Variants in GRIP1 observed in about 807,000 individuals in gnomAD.
GRIP1 encodes the protein glutamate receptor-interacting protein 1.
A neutral mutation model predicts 129.9 loss-of-function variants in GRIP1; 45 were observed. The observed-to-expected ratio is 0.35, with a 90% confidence interval of 0.27 to 0.44. GRIP1 has a LOEUF of 0.44. Among genes scored for constraint, GRIP1 ranks in the 20% least tolerant of loss-of-function variants. GRIP1 has a pLI of 1.00. For missense variants in GRIP1, 1,196 were observed against 1,396.8 expected (o/e 0.86, Z 2.29); for synonymous variants, 530 against 520.8 (o/e 1.02, Z -0.24).
chr12:66,583,335 A>C (rs1486699822), intron 2 of GRIP1, among the ~76,000 whole-genome samples: 16 of 150,338 alleles, frequency 1.1e-4, no homozygotes, highest in African/African-American at 3.7e-4. Context: ...ACCATTCAGG[A>C]CATAGGCATG....
At chr12:66,531,624 C>G (rs910806025) in intron 4 of GRIP1, among the ~76,000 whole-genome samples, 2 of 151,996 alleles carry the variant, frequency 1.3e-5, no homozygotes, top group Admixed American at 1.3e-4. Context: ...ATGTCATATT[C>G]TTGCTATCAG....
intron 1 of GRIP1, among the ~76,000 whole-genome samples, chr12:67,015,595 A>C (rs544970089): frequency 1.3e-5 from 2 of 152,154 alleles, no homozygotes; most frequent in Non-Finnish European, 2.9e-5. Context: ...AAATGGAGAG[A>C]GTGAGGAGGG....
At chr12:66,846,074 A>G (rs889445917) in intron 1 of GRIP1, among the ~76,000 whole-genome samples, 1 of 152,138 alleles carries the variant, frequency 6.6e-6, no homozygotes, top group Non-Finnish European at 1.5e-5. Context: ...AACAATGCTC[A>G]CATCTCCCTC....
intron 1 of GRIP1, among the ~76,000 whole-genome samples, chr12:66,914,334 G>C (rs1183122316): frequency 6.6e-6 from 1 of 152,062 alleles, no homozygotes. Context: ...CTCTTCATTT[G>C]GGCATTTACA....
chr12:66,971,444 AG>A (rs2042075068), intron 1 of GRIP1, among the ~76,000 whole-genome samples: 1 of 152,172 alleles, frequency 6.6e-6, no homozygotes, highest in Admixed American at 6.5e-5. Flanking sequence ...GGCAAACTTA[AG>A]GAGAATAATA....
intron 1 of GRIP1, among the ~76,000 whole-genome samples, chr12:66,728,251 T>C (rs2036317597): frequency 6.6e-6 from 1 of 152,218 alleles, no homozygotes; most frequent in African/African-American, 2.4e-5. Context: ...ATTATCCAAA[T>C]TAATGGTGGC....
At chr12:67,043,826 T>G (rs997568223) in intron 1 of GRIP1, among the ~76,000 whole-genome samples, 2 of 152,200 alleles carry the variant, frequency 1.3e-5, no homozygotes, top group Admixed American at 6.5e-5. Flanking sequence ...TTAGTTATGC[T>G]GAGATATTTG....
intron 1 of GRIP1, among the ~76,000 whole-genome samples, chr12:66,857,384 A>T (rs2040025826): frequency 6.6e-6 from 1 of 152,064 alleles, no homozygotes; most frequent in Admixed American, 6.6e-5. Flanking sequence ...TATTATTTTA[A>T]TATAATTTTC....
chr12:66,678,898 C>G lies in GRIP1; in HGVS notation c.7G>C (p.Ala3Pro). The G allele has an allele frequency of 6.2e-7, 1 of 1,613,498 alleles. No homozygotes were observed. Among genetic ancestry groups the G allele is most frequent in the East Asian group, 2.2e-5 (1 of 44,810 alleles). Residue 3 changes from alanine (A) to proline (P), a missense_variant, in exon 1 of 25, where the codon GCT becomes CCT. By Grantham distance (27) the Ala-to-Pro change is conservative (BLOSUM62 -1). This residue lies in a region of GRIP1 where 217 missense variants were observed against 224.8 expected (regional missense o/e 0.97). Coordinates refer to ENST00000359742, the MANE Select transcript of GRIP1 (RefSeq NM_001366722.1). MI[A>P]VSFKCRCQIL... ...TGACAACGGCATTTAAAAGAGACAG[C>G]TATCATTCTTGCTCACTGCTTTCTG...
At chr12:66,531,714 C>CA (rs903715070) in intron 4 of GRIP1, among the ~76,000 whole-genome samples, 6 of 151,198 alleles carry the variant, frequency 4.0e-5, no homozygotes, top group African/African-American at 1.2e-4. Context: ...TTTAATTAAA[C>CA]AAAAAAAATT....
chr12:66,665,457 T>C (rs1415840350), intron 1 of GRIP1, among the ~76,000 whole-genome samples: 1 of 152,186 alleles, frequency 6.6e-6, no homozygotes, highest in Non-Finnish European at 1.5e-5. Flanking sequence ...CCCATAAGTG[T>C]GTGTGTCCTC....
intron 1 of GRIP1, among the ~76,000 whole-genome samples, chr12:66,740,990 C>A (rs192894320): frequency 1.3e-5 from 2 of 152,084 alleles, no homozygotes; most frequent in Middle Eastern, 3.4e-3. Context: ...GCTAGAAATT[C>A]AATTAAAGAA....
intron 7 of GRIP1, among the ~76,000 whole-genome samples, chr12:66,483,649 C>T (rs1352681790): frequency 6.6e-6 from 1 of 152,124 alleles, no homozygotes; most frequent in African/African-American, 2.4e-5. Flanking sequence ...TGGTACCCTG[C>T]TTATTAGGTA....
At position 66,596,887 on chromosome 12, in the gene GRIP1, C is replaced by T. The variant is rs202149964; in HGVS notation, c.96G>A (p.Pro32=). The change falls in exon 2 of 25, where the codon CCG becomes CCA. Residue 32 remains proline (P), a synonymous_variant. Coordinates refer to ENST00000359742, the MANE Select transcript of GRIP1 (RefSeq NM_001366722.1). The part of the protein sequence containing the change: ...PYTKSASQTK[P]PDGALAVRRQ... ...TCCTCACAGCCAACGCTCCATCAGGCGGCTTTGTCTGGCTGGCGGATTTAG... is the reference window on the plus strand; with the variant it reads ...TCCTCACAGCCAACGCTCCATCAGGTGGCTTTGTCTGGCTGGCGGATTTAG... 1.5e-5 allele frequency: 24 copies of T among 1,613,576 alleles called. No homozygotes were observed. Among genetic ancestry groups the T allele is most frequent in the Admixed American group, 3.3e-5 (2 of 60,012 alleles).
chr12:66,472,800 C>T (rs1403634368), intron 7 of GRIP1, among the ~76,000 whole-genome samples: 2 of 152,242 alleles, frequency 1.3e-5, no homozygotes, highest in Non-Finnish European at 2.9e-5. Flanking sequence ...AGCCCAGATA[C>T]TACGCTTTTC....
At chr12:66,973,919 C>CTTTTTTTTTTTTTTTTTT (rs535699240) in intron 1 of GRIP1, among the ~76,000 whole-genome samples, 6 of 121,348 alleles carry the variant, frequency 4.9e-5, no homozygotes, top group Non-Finnish European at 8.4e-5. Context: ...CTTTTCTTTT[C>CTTTTTTTTTTTTTTTTTT]TTTTTTTTTT....
At chr12:67,003,859 T>G (rs2042588158) in intron 1 of GRIP1, among the ~76,000 whole-genome samples, 1 of 152,216 alleles carries the variant, frequency 6.6e-6, no homozygotes, top group Admixed American at 6.5e-5. Context: ...ACAAATGTGG[T>G]GGCTTAAAAC....
intron 1 of GRIP1, among the ~76,000 whole-genome samples, chr12:66,669,278 C>T (rs1371641508): frequency 6.6e-6 from 1 of 152,070 alleles, no homozygotes; most frequent in African/African-American, 2.4e-5. Context: ...ATCCCAGCTA[C>T]TCGGGAGGCT....
intron 13 of GRIP1, among the ~76,000 whole-genome samples, chr12:66,435,815 T>A (rs1269094436): frequency 1.3e-5 from 2 of 152,240 alleles, no homozygotes; most frequent in African/African-American, 4.8e-5. Flanking sequence ...TCTGACTACA[T>A]GAGATTTGAA....
Sources: allele counts gnomAD v4.1 joint callset (sites outside exome capture counted in the v4.1 genomes callset), GRCh38; gene constraint gnomAD v4.1.1; regional missense constraint gnomAD v4.1.1; transcripts MANE v1.5; gene names NCBI Gene and HGNC (gene_info 2026-07-23, HGNC 2026-07-21).